The following CHD9 variants were observed in gnomAD, a reference collection of about 807,000 sequenced individuals.
The protein encoded by CHD9 is ATP-dependent chromatin remodeler CHD9.
Under a neutral mutation model 316.1 loss-of-function variants are expected in CHD9, and 77 were observed. The observed-to-expected ratio is 0.24, with a 90% confidence interval of 0.20 to 0.29. The LOEUF (loss-of-function observed/expected upper bound fraction) is 0.29, where lower values mean the gene tolerates loss of function less well. CHD9 is among the 10% of genes least tolerant of loss of function. The pLI is 1.00. For missense variants in CHD9, 2,763 were observed against 3,438.1 expected (o/e 0.80, Z 4.91); for synonymous variants, 1,129 against 1,158.3 (o/e 0.97, Z 0.51).
intron 37 of CHD9, among the ~76,000 whole-genome samples, chr16:53,319,437 A>G (rs966363240): frequency 1.4e-4 from 21 of 152,228 alleles, no homozygotes; most frequent in Non-Finnish European, 2.4e-4. Context: ...CCAACTCTTT[A>G]AAGTTAATGT....
At chr16:53,301,428 A>G (rs1030803894) in intron 30 of CHD9, among the ~76,000 whole-genome samples, 1 of 152,212 alleles carries the variant, frequency 6.6e-6, no homozygotes, top group Non-Finnish European at 1.5e-5. Context: ...TCTAATGAAT[A>G]ATTAGGTCTG....
At chr16:53,322,320 A>G (rs1201352273) in intron 38 of CHD9, among the ~76,000 whole-genome samples, 3 of 151,408 alleles carry the variant, frequency 2.0e-5, no homozygotes, top group Admixed American at 6.6e-5. Flanking sequence ...TAAAGAGTAT[A>G]TCTTAGACCT....
Position 53,314,938 on chromosome 16 carries a change from A to C in CHD9, c.7478A>C (p.Lys2493Thr). Residue 2493 changes from lysine to threonine, a missense_variant, in exon 36 of 39, where the codon AAA becomes ACA. Physicochemically the swap from Lys to Thr is moderately conservative, Grantham distance 78. Transcript: ENST00000447540. ...TESPVPVINL[K>T]DGTRLAGDDA... is the part of the protein sequence containing the mutation. ...AGTCCAGTTCCAGTTATTAATCTTAAAGATGGAACGAGACTTGCAGGAGAT... is the reference window on the plus strand; with the variant it reads ...AGTCCAGTTCCAGTTATTAATCTTACAGATGGAACGAGACTTGCAGGAGAT... The C allele has an allele frequency of 6.2e-7, 1 of 1,613,810 alleles. No individual in the cohort carries two copies. Among genetic ancestry groups the C allele is most frequent in the African/African-American group, 1.3e-5 (1 of 75,050 alleles).
chr16:53,168,097 C>T (rs1025378474), intron 2 of CHD9, among the ~76,000 whole-genome samples: 2 of 151,568 alleles, frequency 1.3e-5, no homozygotes, highest in Non-Finnish European at 2.9e-5. Context: ...AGTCTTGCTC[C>T]GTCTCCTAGG....
intron 22 of CHD9, 72 bp downstream of exon 22, chr16:53,268,198 A>G (rs1046808379): frequency 3.0e-6 from 3 of 1,011,462 alleles, no homozygotes; most frequent in Admixed American, 2.6e-5. Flanking sequence ...ATATTCTCCT[A>G]TAAAATATAA....
At chr16:53,231,260 T>A (rs1243828908) in intron 8 of CHD9, among the ~76,000 whole-genome samples, 159 bp from the exon 9 acceptor site, 1 of 152,244 alleles carries the variant, frequency 6.6e-6, no homozygotes, top group East Asian at 1.9e-4. Context: ...CATGTTATCC[T>A]AGCTATCATT....
At chr16:53,163,456 T>C (rs1597231331) in intron 2 of CHD9, among the ~76,000 whole-genome samples, 1 of 152,172 alleles carries the variant, frequency 6.6e-6, no homozygotes, top group Non-Finnish European at 1.5e-5. Context: ...GTGATCTGCC[T>C]GCCTCGGCCT....
Position 53,245,400 on chromosome 16 carries a change from T to C in CHD9, c.3119T>C (p.Leu1040Pro). 6.3e-7 allele frequency: 1 copy of C among 1,599,812 alleles called. No individual in the cohort carries two copies. Among genetic ancestry groups the C allele is most frequent in the Non-Finnish European group, 8.5e-7 (1 of 1,173,448 alleles). ...ACAGTTGAAGAACTATTTAGTCTTC[T>C]TCACTTTCTTGAACCCTTAAGGTTT... ...QNTVEELFSLLHFLEPLRFPS... is the reference protein window; with the variant it reads ...QNTVEELFSLPHFLEPLRFPS... The change falls in exon 14 of 39, where the codon CTT (leucine) becomes CCT (proline). Residue 1040 changes from leucine (L) to proline (P), a missense_variant. This residue lies in a region of CHD9 where 155 missense variants were observed against 291.8 expected (regional missense o/e 0.53). Transcript: ENST00000447540. The surrounding 1 kb of genome is among the most constrained non-coding windows in gnomAD (Gnocchi z 4.1).
intron 28 of CHD9, 96 bp downstream of exon 28, chr16:53,291,863 A>G: frequency 1.3e-6 from 1 of 747,780 alleles, no homozygotes; most frequent in Non-Finnish European, 2.0e-6. Flanking sequence ...ATAATGTTTC[A>G]TATATAAAAA....
intron 36 of CHD9, among the ~76,000 whole-genome samples, chr16:53,316,224 A>G (rs374261067): frequency 2.6e-5 from 4 of 152,296 alleles, no homozygotes; most frequent in Admixed American, 2.6e-4. Context: ...AAATATTGCA[A>G]TCCTAAAAAT....
At chr16:53,199,026 T>C (rs1246185766) in intron 2 of CHD9, among the ~76,000 whole-genome samples, 5 of 152,156 alleles carry the variant, frequency 3.3e-5, no homozygotes, top group Admixed American at 3.3e-4. Context: ...ACTTTTTTTT[T>C]TTTTCATTGA....
intron 2 of CHD9, among the ~76,000 whole-genome samples, chr16:53,171,021 A>G (rs1332315310): frequency 6.6e-6 from 1 of 152,228 alleles, no homozygotes; most frequent in East Asian, 1.9e-4. Flanking sequence ...GTATAGACAC[A>G]GATAATATAT....
At position 53,314,949 on chromosome 16, in the gene CHD9, A is replaced by G. The variant is rs2056766080; in HGVS notation, c.7489A>G (p.Arg2497Gly). The G allele has an allele frequency of 6.2e-7, 1 of 1,613,882 alleles. No homozygotes were observed. Among genetic ancestry groups the G allele is most frequent in the Non-Finnish European group, 8.5e-7 (1 of 1,179,790 alleles). ...AGTTATTAATCTTAAAGATGGAACG[A>G]GACTTGCAGGAGATGATGCACCAAA... Reference protein sequence around the residue: ...VPVINLKDGTRLAGDDAPKRK... With the variant: ...VPVINLKDGTGLAGDDAPKRK... Residue 2497 changes from arginine to glycine, a missense_variant, in exon 36 of 39, where the codon AGA (arginine) becomes GGA (glycine). Coordinates refer to ENST00000447540, the MANE Select transcript of CHD9 (RefSeq NM_001308319.2).
At chr16:53,252,800 G>T (rs937089052) in intron 17 of CHD9, among the ~76,000 whole-genome samples, 3 of 151,706 alleles carry the variant, frequency 2.0e-5, no homozygotes, top group Non-Finnish European at 4.4e-5. Context: ...TGAAAAGATG[G>T]TCAACATCAC....
intron 1 of CHD9, among the ~76,000 whole-genome samples, chr16:53,070,536 T>C (rs868612263): frequency 6.2e-4 from 87 of 139,484 alleles, no homozygotes; most frequent in African/African-American, 2.3e-3. Flanking sequence ...TTCCTTCCTC[T>C]CTCTCTCTCT....
At chr16:53,239,446 AAAG>A (rs960030218) in intron 12 of CHD9, among the ~76,000 whole-genome samples, 3 of 152,174 alleles carry the variant, frequency 2.0e-5, no homozygotes, top group African/African-American at 7.2e-5. Context: ...ATTTTTTAAA[AAAG>A]AAAACATTCA....
In CHD9 at chr16:53,273,673, A is replaced by G. The variant is rs766526908; in HGVS notation, c.4765A>G (p.Thr1589Ala). 6.2e-7 allele frequency: 1 copy of G among 1,613,116 alleles called. No homozygotes were observed. The highest frequency in any genetic ancestry group is 8.5e-7 in the Non-Finnish European group (1 of 1,179,420). The change falls in exon 23 of 39, where the codon ACT (threonine) becomes GCT (alanine). Residue 1589 changes from threonine (T) to alanine (A), a missense_variant. Physicochemically the swap from Thr to Ala is moderately conservative, Grantham distance 58. This residue lies in a region of CHD9 where 99 missense variants were observed against 131.6 expected (regional missense o/e 0.75). Transcript: ENST00000447540. ...GGGTCGAAAAGGGAAGAAAGTAAAA[A>G]CTCAAACAAGCTCATTTGATATACA... is the stretch of plus-strand genomic sequence containing the variant. ...PRGRKGKKVK[T>A]QTSSFDIQKA... is the part of the protein sequence containing the mutation.
chr16:53,219,159 T>A (rs138703298), intron 3 of CHD9, among the ~76,000 whole-genome samples: 181 of 152,294 alleles, frequency 1.2e-3, no homozygotes, highest in African/African-American at 3.9e-3. Context: ...TTTTCTGACT[T>A]TGCATTACAC....
intron 2 of CHD9, chr16:53,168,905 T>G (rs2042474167): frequency 6.6e-6 from 1 of 152,124 alleles, no homozygotes; most frequent in Non-Finnish European, 1.5e-5. Flanking sequence ...CCTGGCGAAT[T>G]TTAAAATTTT....
Sources: allele counts gnomAD v4.1 joint callset (sites outside exome capture counted in the v4.1 genomes callset), GRCh38; gene constraint gnomAD v4.1.1; regional missense constraint gnomAD v4.1.1; non-coding constraint Gnocchi (gnomAD v3.1); transcripts MANE v1.5; gene names NCBI Gene and HGNC (gene_info 2026-07-23, HGNC 2026-07-21).